The following LRRC1 variants were observed in gnomAD, a reference collection of about 807,000 sequenced individuals.
LRRC1 encodes the protein leucine rich repeat containing 1.
A neutral mutation model predicts 69.9 loss-of-function variants in LRRC1; 28 were observed. The ratio of observed to expected loss-of-function variants is 0.40; its 90% CI spans 0.30 to 0.55. The LOEUF (loss-of-function observed/expected upper bound fraction) is 0.55, where lower values mean the gene tolerates loss of function less well. Ranked by LOEUF, LRRC1 falls within the 20% of genes least tolerant of loss-of-function variation. LRRC1 has a pLI of 0.47. For synonymous variants in LRRC1, 236 were observed against 240.2 expected (o/e 0.98, Z 0.16); for missense variants, 498 against 609.0 (o/e 0.82, Z 1.92).
rs147828183 is a variant in LRRC1, at chr6:53,870,297, A to G, written c.278-8696A>G. Among the ~76,000 whole-genome samples, 328 of 152,256 alleles carry G rather than the reference A, an allele frequency of 2.2e-3. 2 individuals are homozygous for G. The highest frequency in any genetic ancestry group is 7.6e-3 in the African/African-American group (314 of 41,534). ...CAGTGATGCTTCTGTTACTCTGAGT[A>G]ATATTAAAGCCTTCTACCTAACAGA... On this transcript the variant is annotated intron_variant, in intron 2 of 13. Coordinates refer to ENST00000370888, the MANE Select transcript of LRRC1 (RefSeq NM_018214.5).
chr6:53,904,472 T>A lies in LRRC1; in HGVS notation c.990+10T>A. On this transcript the variant is annotated intron_variant, in intron 10 of 13. Transcript: ENST00000370888. Reference sequence around the variant, plus strand: ...GTCCTTACCAAAAGAGGTATGTGCTTTTAGAGAAATCACATGATAATAATT... The same window carrying A: ...GTCCTTACCAAAAGAGGTATGTGCTATTAGAGAAATCACATGATAATAATT... 6.6e-7 allele frequency: 1 copy of A among 1,523,938 alleles called. No homozygotes were observed. Among genetic ancestry groups the A allele is most frequent in the Non-Finnish European group, 9.0e-7 (1 of 1,107,794 alleles). The allele number at this position is 1,523,938 out of a possible 1,614,324, so 94.4% of individuals were successfully genotyped here. A position where few individuals can be genotyped will look rare whatever the true frequency, so the allele number is the denominator to read the frequency against.
chr6:53,914,701 A>G (rs1341326979), intron 11 of LRRC1, among the ~76,000 whole-genome samples: 2 of 152,198 alleles, frequency 1.3e-5, no homozygotes, highest in Non-Finnish European at 2.9e-5. Flanking sequence ...TGTGAACAGA[A>G]ACAGGCTATT....
chr6:53,851,181 C>CACACACAG (rs1766117900), intron 2 of LRRC1, among the ~76,000 whole-genome samples: 1 of 119,812 alleles, frequency 8.3e-6, no homozygotes, highest in Non-Finnish European at 1.8e-5. Context: ...AGGACACACA[C>CACACACAG]ACACACACAC....
At chr6:53,848,936 T>C (rs922382994) in intron 2 of LRRC1, among the ~76,000 whole-genome samples, 3 of 152,072 alleles carry the variant, frequency 2.0e-5, no homozygotes, top group Non-Finnish European at 2.9e-5. Flanking sequence ...TTTGTGTTTT[T>C]AGTAGAGATG....
chr6:53,824,136 T>A (rs6928222), intron 1 of LRRC1, among the ~76,000 whole-genome samples: 1 of 151,618 alleles, frequency 6.6e-6, no homozygotes, highest in Non-Finnish European at 1.5e-5. Flanking sequence ...TTTTTTTTTT[T>A]ACAACCTCGC....
At chr6:53,902,208 T>C (rs1768081460) in intron 8 of LRRC1, among the ~76,000 whole-genome samples, 1 of 152,234 alleles carries the variant, frequency 6.6e-6, no homozygotes, top group Non-Finnish European at 1.5e-5. Flanking sequence ...AATACCGCAC[T>C]GTAGGGATCT....
At chr6:53,817,446 A>G (rs760443636) in intron 1 of LRRC1, among the ~76,000 whole-genome samples, 1 of 152,180 alleles carries the variant, frequency 6.6e-6, no homozygotes, top group Non-Finnish European at 1.5e-5. Context: ...TGATGAGAAC[A>G]TTTGAAATGT....
chr6:53,823,143 A>G (rs776102859), intron 1 of LRRC1, among the ~76,000 whole-genome samples: 3 of 152,218 alleles, frequency 2.0e-5, no homozygotes, highest in African/African-American at 7.2e-5. Context: ...TCACTCAGAC[A>G]TGTCATTACC....
chr6:53,891,315 A>T lies in LRRC1; in HGVS notation c.447-5183A>T, dbSNP rs150620373. Among the ~76,000 whole-genome samples the T allele has an allele frequency of 2.7e-3, 415 of 152,222 alleles. 3 individuals carry two copies. Among genetic ancestry groups the T allele is most frequent in the African/African-American group, 9.4e-3 (391 of 41,534 alleles). On this transcript the variant is annotated intron_variant, in intron 4 of 13. Transcript: ENST00000370888. ...ATTCCAGCAGTATTGTGTAGAAATT[A>T]ATTTGTCAGAAATTAAAATTGAAGG...
At chr6:53,888,160 C>G (rs1332657575) in intron 4 of LRRC1, among the ~76,000 whole-genome samples, 1 of 152,144 alleles carries the variant, frequency 6.6e-6, no homozygotes, top group Non-Finnish European at 1.5e-5. Context: ...AGTTTCTACT[C>G]AAGCCACACA....
chr6:53,852,437 C>G (rs1247640990), intron 2 of LRRC1, among the ~76,000 whole-genome samples: 1 of 152,172 alleles, frequency 6.6e-6, no homozygotes, highest in African/African-American at 2.4e-5. Flanking sequence ...AAGACAACTT[C>G]TAGATACTGT....
chr6:53,811,035 A>C (rs754742903), intron 1 of LRRC1, among the ~76,000 whole-genome samples: 5 of 152,204 alleles, frequency 3.3e-5, no homozygotes, highest in African/African-American at 4.8e-5. Context: ...TACCCCAGGC[A>C]TTGGGAAATT....
In LRRC1 at chr6:53,795,431, C is replaced by G. The variant is rs376442421; in HGVS notation, c.159+16C>G. ...GCTGCCCGAGGTAAGGGTCCGGCCT[C>G]ACCTGAGCGCTCTGCCCGCTCGTCT... On this transcript the variant is annotated intron_variant, in intron 1 of 13. Transcript: ENST00000370888. 1 of 1,602,522 alleles carries G rather than the reference C, an allele frequency of 6.2e-7. No individual in the cohort carries two copies. Among genetic ancestry groups the G allele is most frequent in the Non-Finnish European group, 8.5e-7 (1 of 1,176,728 alleles).
chr6:53,901,291 G>T (rs1019162800), intron 8 of LRRC1, among the ~76,000 whole-genome samples: 1 of 152,188 alleles, frequency 6.6e-6, no homozygotes, highest in African/African-American at 2.4e-5. Context: ...AGATGGCTGG[G>T]CATGGCTCAC....
At position 53,897,290 on chromosome 6, in the gene LRRC1, A is replaced by G. The variant is rs200812741; in HGVS notation, c.573A>G (p.Glu191=). 4 of 1,608,802 alleles carry G rather than the reference A, an allele frequency of 2.5e-6. No individual in the cohort carries two copies. The African/African-American group carries it at 4.0e-5, about 16-fold the overall frequency. ...TTTTTTTTCTTTTGTTTTAGCCAGA[A>G]TCAATTGGAGCCCTCTTACATCTAA... ...LGNNEIYNLP[E]SIGALLHLKD... The change falls in exon 7 of 14, where the codon GAA becomes GAG. Residue 191 remains glutamate, a synonymous_variant. Transcript: ENST00000370888.
At chr6:53,859,732 A>T (rs1160651529) in intron 2 of LRRC1, among the ~76,000 whole-genome samples, 1 of 152,100 alleles carries the variant, frequency 6.6e-6, no homozygotes, top group African/African-American at 2.4e-5. Flanking sequence ...CAGGTTGTTG[A>T]CTTTTCCTTT....
chr6:53,807,387 T>C (rs1764663668), intron 1 of LRRC1, among the ~76,000 whole-genome samples: 1 of 152,224 alleles, frequency 6.6e-6, no homozygotes, highest in African/African-American at 2.4e-5. Context: ...GCTTCCATTC[T>C]AGGTAAGGAT....
chr6:53,844,319 G>T (rs1214393488), intron 2 of LRRC1, among the ~76,000 whole-genome samples: 1 of 152,200 alleles, frequency 6.6e-6, no homozygotes, highest in Non-Finnish European at 1.5e-5. Flanking sequence ...TTGAAATGGG[G>T]ATTAGAAATA....
At chr6:53,900,031 T>TG (rs1419392134) in intron 8 of LRRC1, 140 bp downstream of exon 8, 38 of 202,222 alleles carry the variant, frequency 1.9e-4, no homozygotes, top group East Asian at 4.7e-4. Context: ...TTTTTTTTTT[T>TG]TTTTTTTTTT....
Sources: allele counts gnomAD v4.1 joint callset (sites outside exome capture counted in the v4.1 genomes callset), GRCh38; gene constraint gnomAD v4.1.1; transcripts MANE v1.5; gene names NCBI Gene and HGNC (gene_info 2026-07-23, HGNC 2026-07-21).